FHIT: variants seen among roughly 807,000 people sequenced by gnomAD.
FHIT encodes the protein fragile histidine triad diadenosine triphosphatase.
FHIT carries 19 observed loss-of-function variants against 17.9 expected under a neutral mutation model. The ratio of observed to expected loss-of-function variants is 1.06; its 90% CI spans 0.74 to 1.56. FHIT has a LOEUF of 1.56. FHIT is among the 40% of genes most tolerant of loss of function. The pLI is 0.00. For synonymous variants in FHIT, 81 were observed against 69.7 expected (o/e 1.16, Z -0.81); for missense variants, 248 against 189.2 (o/e 1.31, Z -1.82).
At chr3:59,768,716 A>C (rs1283660681) in intron 8 of FHIT, among the ~76,000 whole-genome samples, 1 of 152,256 alleles carries the variant, frequency 6.6e-6, no homozygotes, top group Non-Finnish European at 1.5e-5. Flanking sequence ...CTTCTTGCCC[A>C]GATAAACTTA....
At chr3:60,113,662 G>T (rs1447482556) in intron 5 of FHIT, among the ~76,000 whole-genome samples, 1 of 151,646 alleles carries the variant, frequency 6.6e-6, no homozygotes, top group Non-Finnish European at 1.5e-5. Context: ...CAATGTGAAT[G>T]TACTTAACAC....
At chr3:60,391,807 C>T (rs1424579764) in intron 5 of FHIT, among the ~76,000 whole-genome samples, 1 of 152,156 alleles carries the variant, frequency 6.6e-6, no homozygotes, top group Non-Finnish European at 1.5e-5. Flanking sequence ...CGATGGATGA[C>T]TGTATTCATA....
At chr3:60,182,961 C>T (rs1182846590) in intron 5 of FHIT, among the ~76,000 whole-genome samples, 1 of 151,806 alleles carries the variant, frequency 6.6e-6, no homozygotes, top group Non-Finnish European at 1.5e-5. Context: ...GGTTCCACTC[C>T]TTTAAAAGAT....
chr3:60,374,118 T>C (rs1343484848), intron 5 of FHIT, among the ~76,000 whole-genome samples: 2 of 152,226 alleles, frequency 1.3e-5, no homozygotes, highest in Non-Finnish European at 2.9e-5. Flanking sequence ...TATATGACAT[T>C]TGACCTTGTC....
Position 60,096,353 on chromosome 3 carries a change from A to AT in FHIT, c.104-82202_104-82201insA, listed in dbSNP as rs755583818. On this transcript the variant is annotated intron_variant, in intron 5 of 9. Coordinates refer to ENST00000492590, the MANE Select transcript of FHIT (RefSeq NM_002012.4). ...GAGTCTGGGGCTTTTATAGGCTCAG[A>AT]ATAGGGGAGGGGCAGGCAGTAGGTA... Among the ~76,000 whole-genome samples, 5 of 152,210 alleles carry AT rather than the reference A, an allele frequency of 3.3e-5. No homozygotes were observed. In the East Asian group the frequency reaches 7.7e-4, roughly 23 times the overall value.
chr3:60,197,108 C>T (rs748100208), intron 5 of FHIT, among the ~76,000 whole-genome samples: 5 of 152,134 alleles, frequency 3.3e-5, no homozygotes, highest in South Asian at 2.1e-4. Context: ...CTTTAAAATT[C>T]GAAAAGCAGC....
rs186899019 is a variant in FHIT, at chr3:61,203,273, C to G, written c.-212-2608G>C. On this transcript the variant is annotated intron_variant, in intron 1 of 9. Transcript: ENST00000492590. ...CTGAGGCAGGAGAATAGCTTGAACC[C>G]AGGAGGCAGAGGTTGCAGTGAGCTG... Among the ~76,000 whole-genome samples the G allele has an allele frequency of 4.4e-3, 668 of 150,392 alleles. 8 individuals carry two copies. Among genetic ancestry groups the G allele is most frequent in the African/African-American group, 0.016 (641 of 40,902 alleles).
Position 59,766,255 on chromosome 3 carries a change from A to C in FHIT, c.349-13934T>G, listed in dbSNP as rs1370912083. 2.0e-5 allele frequency among the ~76,000 whole-genome samples: 3 copies of C among 152,210 alleles called. No individual in the cohort carries two copies. The East Asian group carries it at 5.8e-4, about 29-fold the overall frequency. ...GAGGCTATGATGGAAAACAAAGAGA[A>C]ATGATCATCCTTGAGAGGCATGTAA... is the stretch of plus-strand genomic sequence containing the variant. On this transcript the variant is annotated intron_variant, in intron 8 of 9. Coordinates refer to ENST00000492590, the MANE Select transcript of FHIT (RefSeq NM_002012.4).
chr3:61,099,034 A>G (rs1045909181), intron 2 of FHIT, among the ~76,000 whole-genome samples: 5 of 152,202 alleles, frequency 3.3e-5, no homozygotes, highest in African/African-American at 1.2e-4. Context: ...TTGCCCATTT[A>G]GTATGATGTT....
chr3:60,786,957 G>T (rs546671174), intron 4 of FHIT, among the ~76,000 whole-genome samples: 1 of 132,716 alleles, frequency 7.5e-6, no homozygotes, highest in African/African-American at 2.8e-5. Context: ...CAAATTAAAA[G>T]AAGAAAGGGA....
intron 2 of FHIT, among the ~76,000 whole-genome samples, chr3:61,092,559 G>A (rs556401043): frequency 2.0e-5 from 3 of 151,972 alleles, no homozygotes; most frequent in South Asian, 2.1e-4. Flanking sequence ...AAAAACTTCC[G>A]TATTAGAATT....
At chr3:60,209,275 C>A (rs959036526) in intron 5 of FHIT, among the ~76,000 whole-genome samples, 1 of 152,092 alleles carries the variant, frequency 6.6e-6, no homozygotes, top group Admixed American at 6.6e-5. Context: ...AGTAGTATTC[C>A]AACTCAGTGC....
chr3:60,874,984 G>C (rs1479158077), intron 3 of FHIT, among the ~76,000 whole-genome samples: 7 of 152,132 alleles, frequency 4.6e-5, no homozygotes, highest in Admixed American at 3.9e-4. Context: ...GAGTCTATGA[G>C]AGAGAAATGA....
At chr3:61,181,362 T>G (rs1211406516) in intron 2 of FHIT, among the ~76,000 whole-genome samples, 1 of 152,190 alleles carries the variant, frequency 6.6e-6, no homozygotes, top group African/African-American at 2.4e-5. Flanking sequence ...AAAAATTAAC[T>G]TTGTGTAGTA....
intron 5 of FHIT, among the ~76,000 whole-genome samples, chr3:60,121,270 T>C (rs952143035): frequency 3.9e-5 from 6 of 152,172 alleles, no homozygotes; most frequent in Non-Finnish European, 8.8e-5. Context: ...TAAAATGTGA[T>C]CTATATATAA....
At chr3:60,714,719 A>C (rs1358993256) in intron 4 of FHIT, among the ~76,000 whole-genome samples, 2 of 152,196 alleles carry the variant, frequency 1.3e-5, no homozygotes, top group Non-Finnish European at 2.9e-5. Flanking sequence ...TAGGAATCCA[A>C]CTTACAAGGG....
At chr3:61,205,853 A>T (rs9714003) in intron 1 of FHIT, among the ~76,000 whole-genome samples, 84,224 of 146,832 alleles carry the variant, frequency 0.57, 27,960 homozygotes, top group African/African-American at 0.88. Context: ...TTGTCTTTTA[A>T]TGCCATTGCT....
chr3:60,961,205 G>C (rs971323604), intron 3 of FHIT, among the ~76,000 whole-genome samples: 1 of 152,148 alleles, frequency 6.6e-6, no homozygotes, highest in Non-Finnish European at 1.5e-5. Context: ...ATGTTTTCCT[G>C]TGTCTATTGG....
At chr3:60,004,268 A>C (rs967841974) in intron 7 of FHIT, among the ~76,000 whole-genome samples, 1 of 152,120 alleles carries the variant, frequency 6.6e-6, no homozygotes, top group Non-Finnish European at 1.5e-5. Context: ...AATCCTATAA[A>C]ACACTGAATG....
Sources: allele counts gnomAD v4.1 joint callset (sites outside exome capture counted in the v4.1 genomes callset), GRCh38; gene constraint gnomAD v4.1.1; transcripts MANE v1.5; gene names NCBI Gene and HGNC (gene_info 2026-07-23, HGNC 2026-07-21).